NRXN3: variants seen among roughly 807,000 people sequenced by gnomAD.
The protein encoded by NRXN3 is neurexin III.
In NRXN3, 32 loss-of-function variants were observed where a neutral mutation model predicts 137.6. That is an observed-to-expected ratio of 0.23 (90% CI 0.18 to 0.31). The LOEUF (loss-of-function observed/expected upper bound fraction) is 0.31, where lower values mean the gene tolerates loss of function less well. NRXN3 is among the 10% of genes least tolerant of loss of function. NRXN3 has a pLI of 1.00. For missense variants in NRXN3, 1,574 were observed against 2,062.5 expected (o/e 0.76, Z 4.59); for synonymous variants, 798 against 784.5 (o/e 1.02, Z -0.29).
chr14:79,136,123 A>G (rs1360120851), intron 15 of NRXN3, among the ~76,000 whole-genome samples: 1 of 152,194 alleles, frequency 6.6e-6, no homozygotes, highest in Non-Finnish European at 1.5e-5. Context: ...GGGTTTCCAG[A>G]GGCATAAATC....
chr14:78,585,132 G>A (rs966345297), intron 4 of NRXN3, among the ~76,000 whole-genome samples: 1 of 137,588 alleles, frequency 7.3e-6, no homozygotes, highest in Non-Finnish European at 1.6e-5. Context: ...AAGAAATAGG[G>A]GAGATAAGGG....
Position 79,228,998 on chromosome 14 carries a change from C to G in NRXN3, c.3263-238223C>G, listed in dbSNP as rs137945761. ...ATCATTGGTTACAACCTCCTTCTTA[C>G]AGACTAACACACTAAAACCCAGAGA... On this transcript the variant is annotated intron_variant, in intron 15 of 20. Coordinates refer to ENST00000335750, the MANE Select transcript of NRXN3 (RefSeq NM_001330195.2). Among the ~76,000 whole-genome samples, 354 of 152,212 alleles carry G rather than the reference C, an allele frequency of 2.3e-3. 3 individuals carry two copies. Among genetic ancestry groups the G allele is most frequent in the African/African-American group, 8.2e-3 (342 of 41,556 alleles).
At chr14:79,366,719 A>G (rs2093907566) in intron 15 of NRXN3, among the ~76,000 whole-genome samples, 1 of 152,184 alleles carries the variant, frequency 6.6e-6, no homozygotes, top group Non-Finnish European at 1.5e-5. Context: ...CCAAAGAACT[A>G]TAGTGTTTTT....
intron 15 of NRXN3, among the ~76,000 whole-genome samples, chr14:79,018,260 C>CAAAAAAAAAAAA (rs1163466834): frequency 4.3e-5 from 1 of 23,160 alleles, no homozygotes; most frequent in African/African-American, 1.6e-4. Flanking sequence ...AACTCTGTCT[C>CAAAAAAAAAAAA]AAAAAAAAAA....
chr14:79,254,616 AC>A (rs1197940084), intron 15 of NRXN3, among the ~76,000 whole-genome samples: 1 of 152,150 alleles, frequency 6.6e-6, no homozygotes, highest in Non-Finnish European at 1.5e-5. Context: ...ATGCTGTCTT[AC>A]TGTTGGACTC....
chr14:78,197,528 T>A (rs999709714), intron 1 of NRXN3, among the ~76,000 whole-genome samples: 1 of 152,218 alleles, frequency 6.6e-6, no homozygotes, highest in Non-Finnish European at 1.5e-5. Flanking sequence ...GCTGCTTTCC[T>A]CTTGCTGATC....
chr14:79,185,811 T>C (rs4899735), intron 15 of NRXN3, among the ~76,000 whole-genome samples: 5,432 of 152,312 alleles, frequency 0.036, 232 homozygotes, highest in East Asian at 0.21. Flanking sequence ...ATTTTTTATT[T>C]GAATCCTATT....
chr14:79,038,230 C>T (rs911216745), intron 15 of NRXN3, among the ~76,000 whole-genome samples: 15 of 151,738 alleles, frequency 9.9e-5, no homozygotes, highest in African/African-American at 3.6e-4. Context: ...TATTTTTTCT[C>T]CACATCCCAG....
chr14:79,627,375 T>C (rs1366205540), intron 16 of NRXN3, among the ~76,000 whole-genome samples: 1 of 152,204 alleles, frequency 6.6e-6, no homozygotes, highest in Non-Finnish European at 1.5e-5. Context: ...CCTAGTGTAC[T>C]TCTGCTTATC....
intron 19 of NRXN3, among the ~76,000 whole-genome samples, chr14:79,787,417 GAATT>G (rs1245596652): frequency 2.6e-5 from 4 of 152,076 alleles, no homozygotes; most frequent in African/African-American, 9.7e-5. Flanking sequence ...TTACATGAAT[GAATT>G]TTAAAATATA....
At chr14:79,811,068 T>C (rs2099230798) in intron 20 of NRXN3, among the ~76,000 whole-genome samples, 2 of 152,228 alleles carry the variant, frequency 1.3e-5, no homozygotes, top group Admixed American at 1.3e-4. Context: ...GAAAACTCAT[T>C]AGCAAATAGA....
chr14:78,942,069 G>A (rs1287905826), intron 10 of NRXN3, among the ~76,000 whole-genome samples: 5 of 152,200 alleles, frequency 3.3e-5, no homozygotes, highest in African/African-American at 1.2e-4. Context: ...TCGTCTTAAT[G>A]GAAAGTGTGA....
chr14:78,502,145 C>A (rs2095890143), intron 4 of NRXN3, among the ~76,000 whole-genome samples: 1 of 152,078 alleles, frequency 6.6e-6, no homozygotes, highest in South Asian at 2.1e-4. Context: ...GAAATATCTG[C>A]CGTGTTGAGA....
In NRXN3 at chr14:79,637,691, T is replaced by G. The variant is rs149212181; in HGVS notation, c.3445-26087T>G. Among the ~76,000 whole-genome samples the G allele has an allele frequency of 1.4e-3, 217 of 150,370 alleles. 2 individuals carry two copies. The highest frequency in any genetic ancestry group is 3.5e-3 in the Middle Eastern group (1 of 284). On this transcript the variant is annotated intron_variant, in intron 16 of 20. Transcript: ENST00000335750. ...TATAAAGGTTATTTTGTTGTAATTT[T>G]GATGCTCTAAGAAACTGATGTAAGA...
chr14:78,370,210 G>C (rs1057153471), intron 4 of NRXN3, among the ~76,000 whole-genome samples: 8 of 151,928 alleles, frequency 5.3e-5, no homozygotes, highest in African/African-American at 1.9e-4. Context: ...TTCCAACGTA[G>C]TGATCTGGAA....
chr14:78,430,325 A>C (rs1184761721), intron 4 of NRXN3, among the ~76,000 whole-genome samples: 1 of 152,218 alleles, frequency 6.6e-6, no homozygotes, highest in Admixed American at 6.5e-5. Flanking sequence ...TCTTGGAGCA[A>C]TCCATCCATC....
At chr14:78,207,436 A>T (rs2062312085) in intron 1 of NRXN3, among the ~76,000 whole-genome samples, 1 of 152,042 alleles carries the variant, frequency 6.6e-6, no homozygotes, top group Non-Finnish European at 1.5e-5. Context: ...TCTCTCAGAC[A>T]CCTTATATTA....
intron 15 of NRXN3, among the ~76,000 whole-genome samples, chr14:79,446,841 A>G (rs1297448777): frequency 6.6e-6 from 1 of 152,228 alleles, no homozygotes; most frequent in Non-Finnish European, 1.5e-5. Flanking sequence ...TTATTGTGGT[A>G]AGAACACCTA....
At chr14:78,981,939 A>C (rs2099490510) in intron 14 of NRXN3, among the ~76,000 whole-genome samples, 1 of 152,180 alleles carries the variant, frequency 6.6e-6, no homozygotes, top group Non-Finnish European at 1.5e-5. Flanking sequence ...AGCTCACAAA[A>C]TGATCATCTA....
Sources: gnomAD v4.1 joint callset for allele counts (sites outside exome capture counted in the v4.1 genomes callset) on GRCh38, gnomAD v4.1.1 for gene constraint, MANE v1.5 for transcripts, NCBI Gene and HGNC (gene_info 2026-07-23, HGNC 2026-07-21) for gene names.